The following PIWIL4 variants were observed in gnomAD, a reference collection of about 807,000 sequenced individuals.
PIWIL4 encodes the protein piwi like RNA-mediated gene silencing 4.
Under a neutral mutation model 100.9 loss-of-function variants are expected in PIWIL4, and 50 were observed. That is an observed-to-expected ratio of 0.50 (90% CI 0.39 to 0.63). The LOEUF (loss-of-function observed/expected upper bound fraction) is 0.63, where lower values mean the gene tolerates loss of function less well. Among genes scored for constraint, PIWIL4 ranks in the 20% least tolerant of loss-of-function variants. The probability of loss-of-function intolerance (pLI) is 0.00; values close to 1 mark genes in which losing one functional copy is unlikely to be tolerated. For synonymous variants in PIWIL4, 342 were observed against 367.5 expected, an observed-to-expected ratio of 0.93 and a Z score of 0.79; for missense variants, 887 against 1,043.3, an observed-to-expected ratio of 0.85 and a Z score of 2.06.
rs143710754 is a variant in PIWIL4 at position 94,598,810 on chromosome 11, C to T, written c.1380+895C>T. Among the ~76,000 whole-genome samples, 5 of 150,268 alleles carry T rather than the reference C, an allele frequency of 3.3e-5. No individual in the cohort carries two copies. In the East Asian group the frequency reaches 5.9e-4, roughly 18 times the overall value. Reference sequence around the variant, plus strand: ...GCAGCCTTAACCTCCTGGGCTCAAGCGATCCTGCCATTTCAGCCTCCCAAG... The same window carrying T: ...GCAGCCTTAACCTCCTGGGCTCAAGTGATCCTGCCATTTCAGCCTCCCAAG... On this transcript the variant is annotated intron_variant, in intron 11 of 19. Coordinates refer to ENST00000299001, the MANE Select transcript of PIWIL4 (RefSeq NM_152431.3).
rs137890247 is a variant in PIWIL4, at chr11:94,595,386, C to T, written c.1228C>T (p.Arg410Trp). 1.9e-5 allele frequency: 30 copies of T among 1,613,836 alleles called. No homozygotes were observed. Among genetic ancestry groups the T allele is most frequent in the Admixed American group, 1.0e-4 (6 of 60,020 alleles). Reference sequence around the variant, plus strand: ...AAAGACACGTCTCAGTCCTTCAGGCCGGCAGCAGCGCCTGGCCAGGCTTGT... The same window carrying T: ...AAAGACACGTCTCAGTCCTTCAGGCTGGCAGCAGCGCCTGGCCAGGCTTGT... ...AEKTRLSPSG[R>W]QQRLARLVDN... Residue 410 changes from arginine (R) to tryptophan (W), a missense_variant, in exon 10 of 20, where the codon CGG becomes TGG. By Grantham distance (101) the Arg-to-Trp change is moderately radical (BLOSUM62 -3). Around this residue, in one of 2 missense-constraint regions of PIWIL4, gnomAD observed 741 missense variants for 930.0 expected, o/e 0.80. Transcript: ENST00000299001.
At chr11:94,584,488 G>T (rs1224546305) in intron 5 of PIWIL4, among the ~76,000 whole-genome samples, 4 of 152,188 alleles carry the variant, frequency 2.6e-5, no homozygotes, top group African/African-American at 9.7e-5. Context: ...AGTCTTGCAT[G>T]CTGACATTTG....
Position 94,583,431 on chromosome 11 carries a change from G to A in PIWIL4, c.514-17G>A. The A allele has an allele frequency of 6.2e-7, 1 of 1,612,640 alleles. No individual in the cohort carries two copies. The highest frequency in any genetic ancestry group is 8.5e-7 in the Non-Finnish European group (1 of 1,178,864). On this transcript the variant is annotated splice_polypyrimidine_tract_variant and intron_variant, in intron 4 of 19. Transcript: ENST00000299001. ...GGATAATTTGTAGGGTGCATATTAAGTACCTCTTTTTCCCAGGTCACAGAG... is the reference window on the plus strand; with the variant it reads ...GGATAATTTGTAGGGTGCATATTAAATACCTCTTTTTCCCAGGTCACAGAG...
chr11:94,571,829 T>C (rs1948158822), intron 2 of PIWIL4, among the ~76,000 whole-genome samples: 1 of 152,214 alleles, frequency 6.6e-6, no homozygotes, highest in Non-Finnish European at 1.5e-5. Context: ...TCAAATGGTA[T>C]TTCTAGTTCT....
Position 94,589,110 on chromosome 11 carries a change from A to G in PIWIL4, c.915-11A>G, listed in dbSNP as rs370367134. 5.1e-6 allele frequency: 8 copies of G among 1,577,238 alleles called. No individual in the cohort carries two copies. The African/African-American group carries it at 8.1e-5, about 16-fold the overall frequency. ...TTAAAAAACAATTTAAAGACTTTTT[A>G]TATTTGGCAGATACAATAACAGAAC... On this transcript the variant is annotated splice_polypyrimidine_tract_variant and intron_variant, in intron 7 of 19. Transcript: ENST00000299001.
chr11:94,586,394 C>T lies in PIWIL4; in HGVS notation c.717-656C>T, dbSNP rs78534946. Among the ~76,000 whole-genome samples the T allele has an allele frequency of 7.2e-4, 110 of 152,222 alleles. 3 individuals carry two copies. In the East Asian group the frequency reaches 0.015, roughly 21 times the overall value. On this transcript the variant is annotated intron_variant, in intron 6 of 19. Transcript: ENST00000299001. ...TTTTTAAAATAGTAGTCTATTATTT[C>T]ATGCCATTTCTGTAACTTCTTATTC...
At position 94,595,294 on chromosome 11, in the gene PIWIL4, A is replaced by C; in HGVS notation, c.1151-15A>C. ...ATGTTCATTTTCTCACTTTGTCTTC[A>C]TTTGCATTTAATAGGGCTGACTGAC... On this transcript the variant is annotated splice_polypyrimidine_tract_variant and intron_variant, in intron 9 of 19. Transcript: ENST00000299001. 6.2e-7 allele frequency: 1 copy of C among 1,606,968 alleles called. No homozygotes were observed. Among genetic ancestry groups the C allele is most frequent in the Non-Finnish European group, 8.5e-7 (1 of 1,174,336 alleles).
chr11:94,617,624 G>T (rs1056850405), intron 16 of PIWIL4, among the ~76,000 whole-genome samples: 1 of 152,120 alleles, frequency 6.6e-6, no homozygotes, highest in Non-Finnish European at 1.5e-5. Context: ...AAGACTTGAA[G>T]ACACTAATAT....
At chr11:94,594,338 C>T (rs186543874) in intron 9 of PIWIL4, among the ~76,000 whole-genome samples, 3 of 151,478 alleles carry the variant, frequency 2.0e-5, no homozygotes, top group African/African-American at 2.4e-5. Context: ...CGGTGGCACG[C>T]GTCTGTAACC....
chr11:94,607,921 T>C (rs1051875422), intron 14 of PIWIL4, among the ~76,000 whole-genome samples: 10 of 152,166 alleles, frequency 6.6e-5, no homozygotes, highest in African/African-American at 2.4e-4. Context: ...ATTTACTTGC[T>C]TTCATCAGGG....
chr11:94,592,923 T>C (rs989973051), intron 8 of PIWIL4, among the ~76,000 whole-genome samples: 1 of 152,178 alleles, frequency 6.6e-6, no homozygotes, highest in Admixed American at 6.5e-5. Context: ...ATTTCATAGA[T>C]GAGGAAAGTT....
chr11:94,590,190 T>C (rs570453812), intron 8 of PIWIL4, among the ~76,000 whole-genome samples: 1 of 152,338 alleles, frequency 6.6e-6, no homozygotes, highest in African/African-American at 2.4e-5. Flanking sequence ...TGTTCTTCCT[T>C]CCTGAAACCT....
chr11:94,586,347 A>G (rs1424799602), intron 6 of PIWIL4, among the ~76,000 whole-genome samples: 1 of 152,106 alleles, frequency 6.6e-6, no homozygotes, highest in Non-Finnish European at 1.5e-5. Flanking sequence ...TTAATAGTCC[A>G]CAAAATATAA....
Position 94,595,428 on chromosome 11 carries a change from T to C in PIWIL4, c.1268+2T>C. 1 of 1,607,256 alleles carries C rather than the reference T, an allele frequency of 6.2e-7. No homozygotes were observed. The highest frequency in any genetic ancestry group is 1.1e-5 in the South Asian group (1 of 90,918). ...CAGGCTTGTGGACAACATCCAGAGG[T>C]ACTGGATCACCGCATGCATCCTTCC... On this transcript the variant is annotated splice_donor_variant, in intron 10 of 19. Transcript: ENST00000299001. LOFTEE classifies it high-confidence loss of function.
intron 15 of PIWIL4, among the ~76,000 whole-genome samples, chr11:94,613,330 G>C (rs1023682712): frequency 6.6e-6 from 1 of 152,174 alleles, no homozygotes; most frequent in Non-Finnish European, 1.5e-5. Context: ...TCTGCTGATA[G>C]CCTATGAGGG....
chr11:94,584,396 CT>C (rs1006944527), intron 5 of PIWIL4, among the ~76,000 whole-genome samples: 1 of 152,184 alleles, frequency 6.6e-6, no homozygotes, highest in African/African-American at 2.4e-5. Context: ...GTCCTAATTC[CT>C]AATTCCAGTC....
intron 2 of PIWIL4, among the ~76,000 whole-genome samples, chr11:94,572,075 A>G (rs1364795226): frequency 6.6e-6 from 1 of 152,224 alleles, no homozygotes; most frequent in Non-Finnish European, 1.5e-5. Context: ...TGTTGGCTGC[A>G]TAAATGTCTT....
intron 5 of PIWIL4, among the ~76,000 whole-genome samples, chr11:94,584,134 C>T (rs761931973): frequency 1.2e-4 from 19 of 152,284 alleles, no homozygotes; most frequent in Admixed American, 3.3e-4. Context: ...AAGGCATATT[C>T]CCTGGACCTT....
At chr11:94,573,765 T>TA (rs1388556477) in intron 2 of PIWIL4, among the ~76,000 whole-genome samples, 4 of 152,194 alleles carry the variant, frequency 2.6e-5, no homozygotes, top group African/African-American at 9.6e-5. Context: ...ATATATAACA[T>TA]AAAATTTACC....
Sources: allele counts gnomAD v4.1 joint callset (sites outside exome capture counted in the v4.1 genomes callset), GRCh38; gene constraint gnomAD v4.1.1; regional missense constraint gnomAD v4.1.1; transcripts MANE v1.5; gene names NCBI Gene and HGNC (gene_info 2026-07-23, HGNC 2026-07-21).